Variants in TAMM41 observed in about 807,000 individuals in gnomAD.
TAMM41 encodes phosphatidate cytidylyltransferase, mitochondrial.
In TAMM41, 36 loss-of-function variants were observed where a neutral mutation model predicts 44.1. That is an observed-to-expected ratio of 0.82 (90% confidence interval 0.63 to 1.08). The LOEUF (loss-of-function observed/expected upper bound fraction) is 1.08. Ranked by LOEUF, TAMM41 falls within the 50% of genes least tolerant of loss-of-function variation. The pLI is 0.00. For synonymous variants in TAMM41, 164 were observed against 153.1 expected (o/e 1.07, Z -0.53); for missense variants, 417 against 404.3 (o/e 1.03, Z -0.27).
chr3:11,732,998 TTG>T, the TAMM41 span, among the ~76,000 whole-genome samples: 207 of 90,876 alleles, frequency 2.3e-3, 1 homozygote, highest in Middle Eastern at 0.011. Flanking sequence ...AGTTTTTTTT[TTG>T]TTTGTTTGTT....
the TAMM41 span, among the ~76,000 whole-genome samples, chr3:11,725,439 C>CCTCCTT: frequency 4.2e-5 from 6 of 142,422 alleles, no homozygotes; most frequent in Non-Finnish European, 6.0e-5. Context: ...TCCTCCTCCT[C>CCTCCTT]CTCCTCCTCC....
At chr3:11,777,021 G>A in the TAMM41 span, among the ~76,000 whole-genome samples, 37 of 152,306 alleles carry the variant, frequency 2.4e-4, no homozygotes, top group African/African-American at 8.7e-4. Flanking sequence ...TGGTGAAAGG[G>A]TACAAACATT....
intron 7 of TAMM41, among the ~76,000 whole-genome samples, chr3:11,799,331 G>C (rs2077688133): frequency 6.6e-6 from 1 of 152,156 alleles, no homozygotes; most frequent in African/African-American, 2.4e-5. Flanking sequence ...TTATTCCTAT[G>C]AAGTTAAAAC....
At chr3:11,766,665 C>T in the TAMM41 span, among the ~76,000 whole-genome samples, 1 of 151,930 alleles carries the variant, frequency 6.6e-6, no homozygotes, top group Admixed American at 6.6e-5. Flanking sequence ...TTCCTGGGCT[C>T]AAGCAATTCT....
At chr3:11,809,119 A>G (rs566135450) in intron 6 of TAMM41, 1 of 290,022 alleles carries the variant, frequency 3.4e-6, no homozygotes, top group African/African-American at 2.3e-5. Context: ...TGTATGAGAC[A>G]CATCAAATGG....
the TAMM41 span, among the ~76,000 whole-genome samples, chr3:11,781,937 T>C: frequency 6.6e-6 from 1 of 152,130 alleles, no homozygotes. Flanking sequence ...ATCATGCATG[T>C]ATCATCTCTT....
At chr3:11,795,941 G>A in intron 7 of TAMM41, among the ~76,000 whole-genome samples, 1 of 152,206 alleles carries the variant, frequency 6.6e-6, no homozygotes, top group East Asian at 1.9e-4. Context: ...TTGCTGATCT[G>A]ATGAGAATGA....
chr3:11,801,877 G>A (rs576347184), intron 7 of TAMM41, among the ~76,000 whole-genome samples: 1 of 150,712 alleles, frequency 6.6e-6, no homozygotes, highest in South Asian at 2.1e-4. Flanking sequence ...AAAGATCAGA[G>A]CAGAACTAAA....
rs183406884 is a variant in TAMM41, at chr3:11,836,172, G to T, written c.411+3050C>A. On this transcript the variant is annotated intron_variant, in intron 3 of 7. Transcript: ENST00000455809. The stretch of plus-strand genomic sequence containing the variant: ...CGCCCAGTTAATTATTGTATTTTTA[G>T]TAGAGATGGGGTTTTGCCATGTTGT... Among the ~76,000 whole-genome samples, 264 of 151,918 alleles carry T rather than the reference G, an allele frequency of 1.7e-3. 2 individuals are homozygous for T. The South Asian group carries it at 0.03, about 17-fold the overall frequency.
the TAMM41 span, among the ~76,000 whole-genome samples, chr3:11,769,249 A>G: frequency 3.3e-5 from 5 of 152,036 alleles, no homozygotes; most frequent in Non-Finnish European, 7.4e-5. Flanking sequence ...GCCACCACGC[A>G]CAGCTAATTT....
intron 7 of TAMM41, among the ~76,000 whole-genome samples, chr3:11,794,087 C>A (rs1055324858): frequency 3.9e-5 from 6 of 152,064 alleles, no homozygotes; most frequent in African/African-American, 1.4e-4. Flanking sequence ...ATGGTCTCTG[C>A]CCTCACAGAG....
At chr3:11,807,248 CTAAT>C in intron 7 of TAMM41, 1 of 1,431,926 alleles carries the variant, frequency 7.0e-7, no homozygotes, top group Non-Finnish European at 9.1e-7. Context: ...AAACTGAAAA[CTAAT>C]TAGCCAAAAC....
At chr3:11,726,628 C>A in the TAMM41 span, among the ~76,000 whole-genome samples, 1 of 151,926 alleles carries the variant, frequency 6.6e-6, no homozygotes, top group Non-Finnish European at 1.5e-5. Context: ...CATGGTGAAA[C>A]CCCGTCTCTA....
chr3:11,730,666 G>A, the TAMM41 span, among the ~76,000 whole-genome samples: 7 of 150,292 alleles, frequency 4.7e-5, no homozygotes, highest in African/African-American at 7.3e-5. Flanking sequence ...CCTGGGAGGC[G>A]GAGGTTGCAG....
downstream of TAMM41, among the ~76,000 whole-genome samples, chr3:11,786,272 TTTA>T (rs1017271061): frequency 7.5e-6 from 1 of 133,992 alleles, no homozygotes; most frequent in African/African-American, 2.7e-5. Context: ...TATTTATTTA[TTTA>T]TTTATTTAAT....
At chr3:11,748,592 T>C in the TAMM41 span, among the ~76,000 whole-genome samples, 2 of 152,090 alleles carry the variant, frequency 1.3e-5, no homozygotes, top group African/African-American at 4.8e-5. Flanking sequence ...TTGCCCAGGC[T>C]GGTCTCAAAC....
downstream of TAMM41, among the ~76,000 whole-genome samples, chr3:11,789,806 G>A (rs1280275389): frequency 2.0e-5 from 3 of 152,224 alleles, no homozygotes; most frequent in Non-Finnish European, 2.9e-5. Flanking sequence ...GCTGCCAGCA[G>A]TCTCATGACA....
At chr3:11,741,088 G>T in the TAMM41 span, among the ~76,000 whole-genome samples, 39 of 146,944 alleles carry the variant, frequency 2.7e-4, no homozygotes, top group Non-Finnish European at 4.7e-4. Context: ...GCATGGTGGC[G>T]CATGCCTGTA....
chr3:11,798,090 G>A (rs569152841), intron 7 of TAMM41, among the ~76,000 whole-genome samples: 30 of 152,214 alleles, frequency 2.0e-4, no homozygotes, highest in African/African-American at 5.5e-4. Context: ...ACAATGTGCC[G>A]ATTCCTCAAA....
Sources: gnomAD v4.1 joint callset for allele counts (sites outside exome capture counted in the v4.1 genomes callset) on GRCh38, gnomAD v4.1.1 for gene constraint, MANE v1.5 for transcripts, NCBI Gene and HGNC (gene_info 2026-07-23, HGNC 2026-07-21) for gene names.